Variants in FBXW8 observed in about 807,000 individuals in gnomAD.
FBXW8 encodes F-box/WD repeat-containing protein 8.
FBXW8 carries 57 observed loss-of-function variants against 65.3 expected under a neutral mutation model. That is an observed-to-expected ratio of 0.87 (90% CI 0.71 to 1.09). The LOEUF (loss-of-function observed/expected upper bound fraction) is 1.09, where lower values mean the gene tolerates loss of function less well. FBXW8 is among the 50% of genes least tolerant of loss of function. The pLI is 0.00. For missense variants in FBXW8, 777 were observed against 814.8 expected (o/e 0.95, Z 0.57); for synonymous variants, 308 against 330.2 (o/e 0.93, Z 0.73).
At chr12:116,916,889 C>T (rs201093623) in intron 1 of FBXW8, among the ~76,000 whole-genome samples, 14 of 146,388 alleles carry the variant, frequency 9.6e-5, no homozygotes, top group South Asian at 2.3e-4. Context: ...GCTAATTGTG[C>T]GTGTGTGTGT....
intron 1 of FBXW8, among the ~76,000 whole-genome samples, chr12:116,912,756 C>T (rs1880095114): frequency 6.6e-6 from 1 of 152,190 alleles, no homozygotes; most frequent in South Asian, 2.1e-4. Context: ...AGCCACCGCG[C>T]CCGGCCGAGA....
rs1278351862 is a variant in FBXW8 at position 117,030,583 on chromosome 12, G to C, written c.*2411G>C. 1 of 152,134 alleles carries C rather than the reference G, an allele frequency of 6.6e-6. No homozygotes were observed. Among genetic ancestry groups the C allele is most frequent in the East Asian group, 1.9e-4 (1 of 5,192 alleles). The allele number at this position is 152,134 out of a possible 1,614,324, so 9.4% of individuals were successfully genotyped here. On this transcript the variant is annotated 3_prime_UTR_variant, in exon 11 of 11. Coordinates refer to ENST00000652555, the MANE Select transcript of FBXW8 (RefSeq NM_153348.3). The stretch of plus-strand genomic sequence containing the variant: ...CAGGCGCATTCGCCCTTCCTAGTTT[G>C]CAGCAATTAAAGATAACGGAGTGTA...
At chr12:117,004,346 G>C (rs1013129202) in intron 7 of FBXW8, among the ~76,000 whole-genome samples, 3 of 152,002 alleles carry the variant, frequency 2.0e-5, no homozygotes, top group Non-Finnish European at 4.4e-5. Flanking sequence ...AATTCTCCTT[G>C]TTTTTCTGTC....
In FBXW8 at chr12:116,910,988, G is replaced by C. The variant is rs572549228; in HGVS notation, c.-50G>C. The C allele has an allele frequency of 1.7e-3, 2,216 of 1,342,334 alleles. 1 individual carries two copies. The highest frequency in any genetic ancestry group is 1.9e-3 in the Non-Finnish European group (2,046 of 1,051,422). 83.2% of individuals were successfully genotyped at this position (1,342,334 alleles called of 1,614,324 possible). On this transcript the variant is annotated 5_prime_UTR_variant, in exon 1 of 11. Coordinates refer to ENST00000652555, the MANE Select transcript of FBXW8 (RefSeq NM_153348.3). The stretch of plus-strand genomic sequence containing the variant: ...ACACTTCCCTGGGCGGGACTGTCTC[G>C]TGGCACCCGGTGGAACCGAGGAGAA...
In FBXW8 at chr12:116,911,012, A is replaced by G; in HGVS notation, c.-26A>G. ...CGTGGCACCCGGTGGAACCGAGGAG[A>G]ACGTGGAGCGCCGGGAGCGGCGAAT... On this transcript the variant is annotated 5_prime_UTR_variant, in exon 1 of 11. Coordinates refer to ENST00000652555, the MANE Select transcript of FBXW8 (RefSeq NM_153348.3). 7.2e-7 allele frequency: 1 copy of G among 1,383,100 alleles called. No individual in the cohort carries two copies. The allele number at this position is 1,383,100 out of a possible 1,614,324, so 85.7% of individuals were successfully genotyped here.
At chr12:117,007,389 A>C (rs920428036) in intron 7 of FBXW8, among the ~76,000 whole-genome samples, 1 of 152,222 alleles carries the variant, frequency 6.6e-6, no homozygotes, top group African/African-American at 2.4e-5. Context: ...TCTCTGTGTC[A>C]TGCATTTCCT....
chr12:116,962,773 T>G (rs1163933865), intron 4 of FBXW8, among the ~76,000 whole-genome samples: 1 of 152,178 alleles, frequency 6.6e-6, no homozygotes, highest in Non-Finnish European at 1.5e-5. Flanking sequence ...GTCTAGACAT[T>G]CAAACATGTC....
chr12:117,010,499 A>G, intron 8 of FBXW8, 49 bp downstream of exon 8: 2 of 1,613,064 alleles, frequency 1.2e-6, no homozygotes, highest in South Asian at 2.2e-5. Flanking sequence ...GCTTCTGCCA[A>G]GGCCCGGCCC....
At chr12:116,957,500 C>T (rs1248332244) in intron 4 of FBXW8, among the ~76,000 whole-genome samples, 2 of 152,118 alleles carry the variant, frequency 1.3e-5, no homozygotes, top group Non-Finnish European at 2.9e-5. Flanking sequence ...TTCCAACACT[C>T]GCTTAGTTTT....
chr12:116,943,685 G>A (rs535563108), intron 2 of FBXW8, among the ~76,000 whole-genome samples: 2 of 152,236 alleles, frequency 1.3e-5, no homozygotes, highest in South Asian at 4.1e-4. Context: ...TCTTTCCTGG[G>A]CACACACATA....
chr12:117,000,887 A>G (rs773251146), intron 7 of FBXW8, among the ~76,000 whole-genome samples: 3 of 152,258 alleles, frequency 2.0e-5, no homozygotes, highest in Non-Finnish European at 4.4e-5. Flanking sequence ...ACATTGTGAT[A>G]TGGTCACAAA....
chr12:116,978,913 C>G (rs886871253), intron 5 of FBXW8: 1 of 152,122 alleles, frequency 6.6e-6, no homozygotes, highest in Admixed American at 6.5e-5. Flanking sequence ...GCCCTGAGCT[C>G]TTATGACTCC....
intron 5 of FBXW8, among the ~76,000 whole-genome samples, chr12:116,982,345 T>C (rs1885360203): frequency 6.6e-6 from 1 of 152,156 alleles, no homozygotes; most frequent in African/African-American, 2.4e-5. Flanking sequence ...GGCGTGGCCA[T>C]GCAAAGTGGA....
intron 1 of FBXW8, among the ~76,000 whole-genome samples, chr12:116,913,073 A>T (rs2137279141): frequency 6.6e-6 from 1 of 152,322 alleles, no homozygotes; most frequent in Non-Finnish European, 1.5e-5. Context: ...AGTTGGCATA[A>T]GAATCACTTG....
chr12:116,913,754 C>T (rs1880185514), intron 1 of FBXW8, among the ~76,000 whole-genome samples: 1 of 152,116 alleles, frequency 6.6e-6, no homozygotes. Flanking sequence ...GGTTCAAACC[C>T]ATGTTGTTCA....
chr12:116,967,859 T>G (rs1252583953), intron 5 of FBXW8, among the ~76,000 whole-genome samples: 1 of 152,190 alleles, frequency 6.6e-6, no homozygotes, highest in African/African-American at 2.4e-5. Flanking sequence ...CTCCGTCTCC[T>G]GGGGTCAGGC....
chr12:116,979,355 C>T (rs1406666407), intron 5 of FBXW8: 2 of 152,204 alleles, frequency 1.3e-5, no homozygotes, highest in East Asian at 3.9e-4. Context: ...GGCTTTATGT[C>T]TCCTCGAAAG....
At chr12:116,985,821 T>G (rs1203391078) in intron 6 of FBXW8, 1 of 157,096 alleles carries the variant, frequency 6.4e-6, no homozygotes, top group African/African-American at 2.4e-5. Context: ...AAGGAAGGTT[T>G]CCATTCCTAC....
intron 1 of FBXW8, among the ~76,000 whole-genome samples, chr12:116,920,764 A>T (rs1006804475): frequency 6.6e-6 from 1 of 152,162 alleles, no homozygotes; most frequent in African/African-American, 2.4e-5. Context: ...GATCTTAATC[A>T]TTTGTGACCA....
Sources: gnomAD v4.1 joint callset for allele counts (sites outside exome capture counted in the v4.1 genomes callset) on GRCh38, gnomAD v4.1.1 for gene constraint, MANE v1.5 for transcripts, NCBI Gene and HGNC (gene_info 2026-07-23, HGNC 2026-07-21) for gene names.